ANKS1B: variants seen among roughly 807,000 people sequenced by gnomAD.
ANKS1B encodes ankyrin repeat and sterile alpha motif domain-containing protein 1B.
ANKS1B carries 36 observed loss-of-function variants against 148.3 expected under a neutral mutation model. That is an observed-to-expected ratio of 0.24 (90% CI 0.19 to 0.32). The LOEUF is 0.32. Ranked by LOEUF, ANKS1B falls within the 10% of genes least tolerant of loss-of-function variation. The pLI is 1.00. For synonymous variants in ANKS1B, 542 were observed against 560.8 expected (o/e 0.97, Z 0.47); for missense variants, 1,157 against 1,542.6 (o/e 0.75, Z 4.19).
In ANKS1B at chr12:99,404,266, C is replaced by T. The variant is rs542513009; in HGVS notation, c.1576-4455G>A. ...GTGACAAAATAATCTGTACAACAAA[C>T]CCCATGATACTATTTTACCTATGTA... On this transcript the variant is annotated intron_variant, in intron 11 of 26. Transcript: ENST00000683438. 1.4e-4 allele frequency among the ~76,000 whole-genome samples: 20 copies of T among 145,466 alleles called. No individual in the cohort carries two copies. In the East Asian group the frequency reaches 3.9e-3, roughly 28 times the overall value.
At chr12:99,122,887 C>T (rs942697994) in intron 15 of ANKS1B, among the ~76,000 whole-genome samples, 21 of 151,648 alleles carry the variant, frequency 1.4e-4, no homozygotes, top group African/African-American at 5.1e-4. Flanking sequence ...GTGTCCTTTG[C>T]CAAGGCGACT....
At chr12:99,665,658 T>C (rs937506268) in intron 8 of ANKS1B, among the ~76,000 whole-genome samples, 2 of 152,152 alleles carry the variant, frequency 1.3e-5, no homozygotes, top group Non-Finnish European at 2.9e-5. Context: ...GGCTAATTTT[T>C]TGTATTTTTA....
chr12:99,210,580 T>A (rs1360524510), intron 14 of ANKS1B, among the ~76,000 whole-genome samples: 1 of 152,226 alleles, frequency 6.6e-6, no homozygotes, highest in Non-Finnish European at 1.5e-5. Context: ...TGTTCCCTTT[T>A]ATAGGGTAAA....
At chr12:99,556,541 T>C (rs12310004) in intron 9 of ANKS1B, among the ~76,000 whole-genome samples, 2,145 of 152,266 alleles carry the variant, frequency 0.014, 53 homozygotes, top group African/African-American at 0.049. Flanking sequence ...TGTTAGGTTA[T>C]TAATTTGAAA....
intron 14 of ANKS1B, among the ~76,000 whole-genome samples, chr12:99,179,154 C>T (rs569473949): frequency 4.1e-4 from 62 of 152,044 alleles, no homozygotes; most frequent in Non-Finnish European, 7.6e-4. Flanking sequence ...TGAGGCCGGG[C>T]GCGGTGGCTC....
intron 17 of ANKS1B, among the ~76,000 whole-genome samples, chr12:98,989,097 A>C (rs947388654): frequency 2.0e-5 from 3 of 152,042 alleles, no homozygotes; most frequent in African/African-American, 7.3e-5. Context: ...TTTGATTTGC[A>C]GCTGCTTTGT....
At chr12:98,994,069 G>C (rs2099928162) in intron 17 of ANKS1B, among the ~76,000 whole-genome samples, 1 of 151,972 alleles carries the variant, frequency 6.6e-6, no homozygotes, top group Admixed American at 6.6e-5. Context: ...AAGTACTTTT[G>C]TGTGTGTGTG....
downstream of ANKS1B, among the ~76,000 whole-genome samples, chr12:98,742,780 A>G (rs554348893): frequency 2.0e-5 from 3 of 152,232 alleles, no homozygotes; most frequent in Non-Finnish European, 2.9e-5. Flanking sequence ...TTGCTGGGGC[A>G]GGCAGATGCT....
chr12:99,224,320 C>T (rs1422487602), intron 14 of ANKS1B, among the ~76,000 whole-genome samples: 1 of 152,064 alleles, frequency 6.6e-6, no homozygotes, highest in East Asian at 1.9e-4. Flanking sequence ...CCTCATTTGT[C>T]CCCACCAAAA....
intron 17 of ANKS1B, among the ~76,000 whole-genome samples, chr12:98,869,685 A>T (rs774168110): frequency 1.3e-5 from 2 of 151,970 alleles, no homozygotes; most frequent in Non-Finnish European, 2.9e-5. Context: ...GAATGCATAC[A>T]TATGTATGTG....
At chr12:99,265,684 A>C (rs1342303484) in intron 12 of ANKS1B, among the ~76,000 whole-genome samples, 1 of 152,138 alleles carries the variant, frequency 6.6e-6, no homozygotes, top group Non-Finnish European at 1.5e-5. Flanking sequence ...AGTTGTCCTC[A>C]TTAAGAACCA....
chr12:99,649,359 G>T, intron 9 of ANKS1B: 1 of 1,614,144 alleles, frequency 6.2e-7, no homozygotes, highest in Non-Finnish European at 8.5e-7. Flanking sequence ...ATGCTGAAAT[G>T]TTTGGGTCCA....
rs1439396361 is a variant in ANKS1B at position 99,141,426 on chromosome 12, CTTTTA to C, written c.2526+12858_2526+12862del. Among the ~76,000 whole-genome samples the C allele has an allele frequency of 4.0e-5, 6 of 148,556 alleles. No individual in the cohort carries two copies. In the East Asian group the frequency reaches 1.2e-3, roughly 29 times the overall value. On this transcript the variant is annotated intron_variant, in intron 15 of 26. Transcript: ENST00000683438. ...TTCTTTTTTTTTTTTTCACCTTCAA[CTTTTA>C]TTTTAAGTTCCTAGGGTATATGTAT... is the stretch of plus-strand genomic sequence containing the variant.
At position 99,236,790 on chromosome 12, in the gene ANKS1B, TC is replaced by T. The variant is rs1317570678; in HGVS notation, c.2419+7551del. Reference sequence around the variant, plus strand: ...GACCATTAAAAAGAATGAGATTATATCCTTTGCAGGGACATGGATGGAGCTG... The same window carrying T: ...GACCATTAAAAAGAATGAGATTATATCTTTGCAGGGACATGGATGGAGCTG... On this transcript the variant is annotated intron_variant, in intron 14 of 26. Transcript: ENST00000683438. Among the ~76,000 whole-genome samples the T allele has an allele frequency of 3.3e-5, 5 of 152,174 alleles. 1 individual carries two copies. The highest frequency in any genetic ancestry group is 7.3e-5 in the Non-Finnish European group (5 of 68,034).
At chr12:98,854,984 C>T (rs1198408897) in intron 17 of ANKS1B, among the ~76,000 whole-genome samples, 1 of 151,746 alleles carries the variant, frequency 6.6e-6, no homozygotes, top group Non-Finnish European at 1.5e-5. Context: ...AAGGTGAAAC[C>T]CCGTCTCTAC....
At chr12:99,123,289 C>T (rs1045460426) in intron 15 of ANKS1B, among the ~76,000 whole-genome samples, 1 of 151,870 alleles carries the variant, frequency 6.6e-6, no homozygotes, top group Non-Finnish European at 1.5e-5. Context: ...GCAGAGATTT[C>T]GATGAATTGA....
chr12:99,619,647 C>G (rs79883066), intron 9 of ANKS1B, among the ~76,000 whole-genome samples: 12,717 of 151,496 alleles, frequency 0.084, 850 homozygotes, highest in East Asian at 0.24. Context: ...TTCCTGTGCA[C>G]AGATCCTGGT....
intron 14 of ANKS1B, among the ~76,000 whole-genome samples, chr12:99,231,422 G>T (rs1023242375): frequency 4.6e-5 from 7 of 152,076 alleles, no homozygotes; most frequent in Admixed American, 3.9e-4. Context: ...TTCAGGAAAA[G>T]AAAAATCAGG....
chr12:99,896,615 G>C (rs1315034530), intron 1 of ANKS1B, among the ~76,000 whole-genome samples: 1 of 151,140 alleles, frequency 6.6e-6, no homozygotes, highest in Non-Finnish European at 1.5e-5. Flanking sequence ...AACCGCCCAT[G>C]ACCAAGACTA....
Sources: gnomAD v4.1 joint callset for allele counts (sites outside exome capture counted in the v4.1 genomes callset) on GRCh38, gnomAD v4.1.1 for gene constraint, MANE v1.5 for transcripts, NCBI Gene and HGNC (gene_info 2026-07-23, HGNC 2026-07-21) for gene names.